The following TTC27 variants were observed in gnomAD, a reference collection of about 807,000 sequenced individuals.
The protein encoded by TTC27 is tetratricopeptide repeat domain 27.
TTC27 carries 79 observed loss-of-function variants against 115.9 expected under a neutral mutation model. The observed-to-expected ratio is 0.68, with a 90% CI of 0.57 to 0.82. The LOEUF is 0.82. TTC27 is among the 40% of genes least tolerant of loss of function. The probability of loss-of-function intolerance (pLI) is 0.00; values close to 1 mark genes in which losing one functional copy is unlikely to be tolerated. For missense variants in TTC27, 1,054 were observed against 993.1 expected, an observed-to-expected ratio of 1.06 and a Z score of -0.82; for synonymous variants, 401 against 356.0, an observed-to-expected ratio of 1.13 and a Z score of -1.42.
At chr2:32,675,539 T>C (rs1666167284) in intron 8 of TTC27, among the ~76,000 whole-genome samples, 1 of 152,204 alleles carries the variant, frequency 6.6e-6, no homozygotes, top group Non-Finnish European at 1.5e-5. Flanking sequence ...CTTCATTGTT[T>C]GGTAGAAACC....
At chr2:32,799,419 G>A (rs1226991929) in intron 16 of TTC27, among the ~76,000 whole-genome samples, 8 of 152,086 alleles carry the variant, frequency 5.3e-5, no homozygotes, top group Non-Finnish European at 8.8e-5. Flanking sequence ...ATGAGAAAGA[G>A]TAGAGGAAAA....
At chr2:32,797,502 A>G (rs777864399) in intron 16 of TTC27, among the ~76,000 whole-genome samples, 8 of 152,184 alleles carry the variant, frequency 5.3e-5, no homozygotes, top group Non-Finnish European at 8.8e-5. Flanking sequence ...CAAGGGTGCC[A>G]AGACTATTCA....
chr2:32,654,029 C>T (rs1183895998), intron 5 of TTC27, among the ~76,000 whole-genome samples: 1 of 152,172 alleles, frequency 6.6e-6, no homozygotes, highest in East Asian at 1.9e-4. Context: ...CCATATTGAT[C>T]TGTCTTTTCC....
intron 13 of TTC27, among the ~76,000 whole-genome samples, chr2:32,776,427 C>G (rs1669999546): frequency 6.6e-6 from 1 of 152,122 alleles, no homozygotes; most frequent in Non-Finnish European, 1.5e-5. Context: ...ATTTTCTTTC[C>G]TAACCTAAAC....
chr2:32,757,535 C>T (rs775495320), intron 12 of TTC27, among the ~76,000 whole-genome samples: 16 of 152,148 alleles, frequency 1.1e-4, no homozygotes, highest in Non-Finnish European at 2.2e-4. Flanking sequence ...TTGTGACAAC[C>T]CTGTGTCAAA....
At chr2:32,726,200 T>C (rs774267665) in intron 10 of TTC27, among the ~76,000 whole-genome samples, 4 of 152,226 alleles carry the variant, frequency 2.6e-5, no homozygotes, top group Non-Finnish European at 4.4e-5. Flanking sequence ...ATTCGGCTCC[T>C]GGTTACTTAT....
At chr2:32,741,973 G>T (rs1430283190) in intron 12 of TTC27, among the ~76,000 whole-genome samples, 1 of 152,176 alleles carries the variant, frequency 6.6e-6, no homozygotes, top group African/African-American at 2.4e-5. Flanking sequence ...TTTGATTCTT[G>T]CTCAGTAAAT....
chr2:32,669,745 G>A (rs921714737), intron 7 of TTC27, among the ~76,000 whole-genome samples: 5 of 151,716 alleles, frequency 3.3e-5, no homozygotes, highest in African/African-American at 1.2e-4. Flanking sequence ...GATTATCCGG[G>A]CGTGGTGGTG....
At chr2:32,686,764 G>A (rs1666644196) in intron 9 of TTC27, among the ~76,000 whole-genome samples, 1 of 152,148 alleles carries the variant, frequency 6.6e-6, no homozygotes, top group African/African-American at 2.4e-5. Context: ...TGATACTGGG[G>A]AATGATCAAA....
At chr2:32,688,024 A>G (rs951737760) in intron 9 of TTC27, among the ~76,000 whole-genome samples, 1 of 152,208 alleles carries the variant, frequency 6.6e-6, no homozygotes, top group Admixed American at 6.5e-5. Context: ...CAGCAAGACC[A>G]TATACTGGGA....
At chr2:32,705,707 G>T (rs1667345405) in intron 10 of TTC27, among the ~76,000 whole-genome samples, 2 of 151,982 alleles carry the variant, frequency 1.3e-5, no homozygotes, top group Admixed American at 1.3e-4. Context: ...ACAGGTGCAT[G>T]CAACTGTGCC....
intron 4 of TTC27, among the ~76,000 whole-genome samples, chr2:32,644,116 G>A (rs1243460272): frequency 6.9e-6 from 1 of 145,910 alleles, no homozygotes; most frequent in African/African-American, 2.6e-5. Context: ...AGGAGGCAGA[G>A]TTTGCAGTGA....
intron 13 of TTC27, among the ~76,000 whole-genome samples, chr2:32,767,453 G>GTTTTTTTTTTTTTTTTT (rs397754905): frequency 8.8e-6 from 1 of 114,248 alleles, no homozygotes; most frequent in Non-Finnish European, 1.7e-5. Flanking sequence ...GTTTTTTTTT[G>GTTTTTTTTTTTTTTTTT]TTTTTTTTTT....
At position 32,650,116 on chromosome 2, in the gene TTC27, G is replaced by A; in HGVS notation, c.538-15G>A. On this transcript the variant is annotated splice_polypyrimidine_tract_variant and intron_variant, in intron 4 of 19. Coordinates refer to ENST00000317907, the MANE Select transcript of TTC27 (RefSeq NM_017735.5). Reference sequence around the variant, plus strand: ...AGTATCCTTTTATTTCAGCTTACGTGGTGTTTTTTCCTAGAGCTTGCCATG... The same window carrying A: ...AGTATCCTTTTATTTCAGCTTACGTAGTGTTTTTTCCTAGAGCTTGCCATG... 1 of 1,600,570 alleles carries A rather than the reference G, an allele frequency of 6.2e-7. No homozygotes were observed. The highest frequency in any genetic ancestry group is 8.6e-7 in the Non-Finnish European group (1 of 1,169,524).
chr2:32,732,834 TA>T lies in TTC27; in HGVS notation c.1234-992del, dbSNP rs201522873. On this transcript the variant is annotated intron_variant, in intron 10 of 19. Transcript: ENST00000317907. ...ACTTTTCACTACCGTCTAATCCTCA[TA>T]AGAGAGGCCTGTGAAAACTAGTCAA... Among the ~76,000 whole-genome samples, 1,506 of 152,248 alleles carry T rather than the reference TA, an allele frequency of 9.9e-3. 23 individuals carry two copies. The highest frequency in any genetic ancestry group is 0.034 in the African/African-American group (1,402 of 41,528).
intron 9 of TTC27, among the ~76,000 whole-genome samples, chr2:32,684,795 T>G (rs1666572546): frequency 6.6e-6 from 1 of 151,868 alleles, no homozygotes; most frequent in South Asian, 2.1e-4. Context: ...TACTTCAGAA[T>G]TACCTCACAG....
intron 10 of TTC27, among the ~76,000 whole-genome samples, chr2:32,726,695 C>T (rs914152513): frequency 1.3e-5 from 2 of 152,210 alleles, no homozygotes; most frequent in East Asian, 3.8e-4. Flanking sequence ...AAGTTGCTTC[C>T]ACATTTTTGT....
At chr2:32,796,858 AT>A (rs112981450) in intron 16 of TTC27, among the ~76,000 whole-genome samples, 9 of 151,460 alleles carry the variant, frequency 5.9e-5, no homozygotes, top group Admixed American at 2.6e-4. Flanking sequence ...TGGTCAAAGG[AT>A]TTTTTTTTCT....
intron 14 of TTC27, among the ~76,000 whole-genome samples, chr2:32,778,663 C>T (rs1157128952): frequency 1.3e-5 from 2 of 152,140 alleles, no homozygotes; most frequent in East Asian, 3.8e-4. Context: ...TTATAGCATG[C>T]TTCAGTACTT....
Sources: allele counts gnomAD v4.1 joint callset (sites outside exome capture counted in the v4.1 genomes callset), GRCh38; gene constraint gnomAD v4.1.1; transcripts MANE v1.5; gene names NCBI Gene and HGNC (gene_info 2026-07-23, HGNC 2026-07-21).